The following ZFHX3 variants were observed in gnomAD, a reference collection of about 807,000 sequenced individuals.
ZFHX3 encodes the protein zinc finger homeobox 3.
In ZFHX3, 42 loss-of-function variants were observed where a neutral mutation model predicts 279.1. That is an observed-to-expected ratio of 0.15 (90% CI 0.12 to 0.19). ZFHX3 has a LOEUF of 0.19. ZFHX3 is among the 10% of genes least tolerant of loss of function. The pLI, the probability that ZFHX3 is intolerant of heterozygous loss-of-function variation, is 1.00. For missense variants in ZFHX3, 4,981 were observed against 4,754.0 expected, an observed-to-expected ratio of 1.05 and a Z score of -1.40; for synonymous variants, 2,293 against 1,957.8, an observed-to-expected ratio of 1.17 and a Z score of -4.52.
chr16:73,392,008 C>T (rs3954312), intron 3 of ZFHX3, among the ~76,000 whole-genome samples: 56,526 of 151,928 alleles, frequency 0.37, 11,980 homozygotes, highest in Non-Finnish European at 0.49. Flanking sequence ...GACAATATCA[C>T]GATATTGGCA....
At position 72,888,471 on chromosome 16, in the gene ZFHX3, AC is replaced by A. The variant is rs1677490035; in HGVS notation, c.3448+1259del. On this transcript the variant is annotated intron_variant, in intron 4 of 9. Coordinates refer to ENST00000268489, the MANE Select transcript of ZFHX3 (RefSeq NM_006885.4). ...GGACCAGTGGTGTCCAGGAAGCTGT[AC>A]AAAGGCATTTGGCAGCACCAGGACA... Among the ~76,000 whole-genome samples the A allele has an allele frequency of 4.6e-5, 7 of 152,338 alleles. No individual in the cohort carries two copies. The South Asian group carries it at 1.4e-3, about 32-fold the overall frequency.
At chr16:73,686,203 C>T (rs2053081676) in intron 1 of ZFHX3, among the ~76,000 whole-genome samples, 1 of 152,000 alleles carries the variant, frequency 6.6e-6, no homozygotes, top group Admixed American at 6.6e-5. Flanking sequence ...TCAAGCAGTT[C>T]CCTGCCTCAG....
intron 4 of ZFHX3, among the ~76,000 whole-genome samples, chr16:72,879,501 T>C (rs1284705406): frequency 2.0e-5 from 3 of 152,170 alleles, no homozygotes; most frequent in Non-Finnish European, 2.9e-5. Flanking sequence ...CCTCTGCTCA[T>C]TGCAACCTCT....
intron 2 of ZFHX3, among the ~76,000 whole-genome samples, chr16:73,599,408 A>G (rs549364170): frequency 6.6e-6 from 1 of 152,346 alleles, no homozygotes; most frequent in African/African-American, 2.4e-5. Flanking sequence ...GCAAAATGAA[A>G]ACGTGGAGCC....
At chr16:73,639,803 A>C (rs1205502942) in intron 2 of ZFHX3, among the ~76,000 whole-genome samples, 1 of 152,212 alleles carries the variant, frequency 6.6e-6, no homozygotes, top group Non-Finnish European at 1.5e-5. Flanking sequence ...CACAAGGAAA[A>C]GGAAACTGGG....
intron 3 of ZFHX3, among the ~76,000 whole-genome samples, chr16:72,895,301 T>C (rs1228857565): frequency 6.6e-6 from 1 of 152,172 alleles, no homozygotes; most frequent in African/African-American, 2.4e-5. Context: ...CGGAATACTA[T>C]AAAACACAGG....
chr16:73,058,976 G>A, exon 1 of ZFHX3: 1 of 171,338 alleles, frequency 5.8e-6, no homozygotes, highest in Non-Finnish European at 1.2e-5. Context: ...GGCGGTGGCG[G>A]CTGCAGCGGT....
chr16:73,674,397 A>G (rs2052933341), intron 2 of ZFHX3, among the ~76,000 whole-genome samples: 1 of 152,220 alleles, frequency 6.6e-6, no homozygotes, highest in African/African-American at 2.4e-5. Flanking sequence ...GTGACATTTC[A>G]GGAAGACTAA....
intron 5 of ZFHX3, among the ~76,000 whole-genome samples, chr16:73,241,166 C>T (rs1365424550): frequency 1.3e-5 from 2 of 152,316 alleles, no homozygotes; most frequent in Admixed American, 6.5e-5. Context: ...AGATGACTCA[C>T]GTTAGGCACC....
chr16:73,833,000 C>T (rs1002327776), intron 1 of ZFHX3, among the ~76,000 whole-genome samples: 40 of 152,154 alleles, frequency 2.6e-4, no homozygotes, highest in African/African-American at 8.4e-4. Context: ...AAGAACATAA[C>T]GGAACAGAAG....
chr16:73,874,889 C>A (rs1385782457), intron 1 of ZFHX3, among the ~76,000 whole-genome samples: 2 of 152,154 alleles, frequency 1.3e-5, no homozygotes, highest in African/African-American at 4.8e-5. Context: ...CTATCTTGGT[C>A]TGCAATAGCA....
At chr16:73,620,616 T>C (rs907071383) in intron 2 of ZFHX3, among the ~76,000 whole-genome samples, 2 of 152,260 alleles carry the variant, frequency 1.3e-5, no homozygotes, top group African/African-American at 4.8e-5. Context: ...TCCAATTTTC[T>C]GAGAAATTTC....
chr16:73,209,926 T>C (rs1460770653), intron 5 of ZFHX3, among the ~76,000 whole-genome samples: 1 of 152,264 alleles, frequency 6.6e-6, no homozygotes, highest in East Asian at 1.9e-4. Flanking sequence ...TTTTTCAGGG[T>C]CATGGGTCCC....
Position 73,760,021 on chromosome 16 carries a change from A to ATTTTTT in ZFHX3, c.-1607-79782_-1607-79781insAAAAAA, listed in dbSNP as rs1567400802. Among the ~76,000 whole-genome samples, 1,033 of 139,092 alleles carry ATTTTTT rather than the reference A, an allele frequency of 7.4e-3. 12 individuals are homozygous for ATTTTTT. The highest frequency in any genetic ancestry group is 0.026 in the African/African-American group (1,000 of 37,882). The allele number at this position is 139,092 out of a possible 152,430, so 91.2% of individuals were successfully genotyped here. ...GAATCCAGGAGCTGTTTTTTTTTAAAAAAAAATTAATAAAACAGACAACTG... is the reference window on the plus strand; with the variant it reads ...GAATCCAGGAGCTGTTTTTTTTTAAATTTTTTAAAAAATTAATAAAACAGACAACTG... On this transcript the variant is annotated intron_variant, in intron 1 of 17. Transcript: ENST00000641206.
chr16:73,789,596 T>C (rs1034507120), intron 1 of ZFHX3, among the ~76,000 whole-genome samples: 27 of 152,300 alleles, frequency 1.8e-4, no homozygotes, highest in African/African-American at 5.8e-4. Flanking sequence ...ATTATTATTA[T>C]TTTTACCGCT....
At chr16:73,012,584 C>T (rs1182553209) in intron 1 of ZFHX3, among the ~76,000 whole-genome samples, 2 of 152,190 alleles carry the variant, frequency 1.3e-5, no homozygotes, top group African/African-American at 2.4e-5. Context: ...CCTTCATCCT[C>T]CAAGTCCTCC....
chr16:72,917,970 T>G (rs1048670908), intron 3 of ZFHX3, among the ~76,000 whole-genome samples: 3 of 152,168 alleles, frequency 2.0e-5, no homozygotes, highest in Non-Finnish European at 4.4e-5. Flanking sequence ...ATAAACACGA[T>G]GAAGAAAAAC....
chr16:73,352,726 C>T (rs2016270453), intron 3 of ZFHX3, among the ~76,000 whole-genome samples: 1 of 152,060 alleles, frequency 6.6e-6, no homozygotes, highest in African/African-American at 2.4e-5. Context: ...GTTGGAACTG[C>T]ACCTGGGACA....
chr16:73,437,182 C>T (rs796940124), intron 3 of ZFHX3, among the ~76,000 whole-genome samples: 16 of 152,064 alleles, frequency 1.1e-4, no homozygotes, highest in African/African-American at 2.9e-4. Context: ...AGGCAAAAAC[C>T]GCAATTGCTT....
Sources: gnomAD v4.1 joint callset for allele counts (sites outside exome capture counted in the v4.1 genomes callset) on GRCh38, gnomAD v4.1.1 for gene constraint, MANE v1.5 for transcripts, NCBI Gene and HGNC (gene_info 2026-07-23, HGNC 2026-07-21) for gene names.